Variants in FASTKD5 observed in about 807,000 individuals in gnomAD.
FASTKD5 encodes the protein non-canonical pre-mRNAs endonuclease FASTKD5, mitochondrial.
Under a neutral mutation model 44.0 loss-of-function variants are expected in FASTKD5, and 30 were observed. That is an observed-to-expected ratio of 0.68 (90% CI 0.51 to 0.93). The LOEUF (loss-of-function observed/expected upper bound fraction) is 0.93, where lower values mean the gene tolerates loss of function less well. Among genes scored for constraint, FASTKD5 ranks in the 40% least tolerant of loss-of-function variants. The pLI, the probability that FASTKD5 is intolerant of heterozygous loss-of-function variation, is 0.00. For synonymous variants in FASTKD5, 335 were observed against 342.2 expected (o/e 0.98, Z 0.23); for missense variants, 868 against 908.2 (o/e 0.96, Z 0.57).
At position 3,148,643 on chromosome 20, in the gene FASTKD5, T is replaced by C. The variant is rs1483112641; in HGVS notation, c.428A>G (p.Glu143Gly). 2 of 1,614,094 alleles carry C rather than the reference T, an allele frequency of 1.2e-6. No homozygotes were observed. Among genetic ancestry groups the C allele is most frequent in the African/African-American group, 2.7e-5 (2 of 74,946 alleles). Reference sequence around the variant, plus strand: ...GACTTTGTGCAAAATTAGTTCACCTTCTGAAACAGACAGGAGCTGAGAAGT... The same window carrying C: ...GACTTTGTGCAAAATTAGTTCACCTCCTGAAACAGACAGGAGCTGAGAAGT... Reference protein sequence around the residue: ...SETSQLLSVSEGELILHKVRV... With the variant: ...SETSQLLSVSGGELILHKVRV... Residue 143 changes from glutamate (E) to glycine (G), a missense_variant, in exon 2 of 2, where the codon GAA becomes GGA. Transcript: ENST00000380266.
Position 3,148,160 on chromosome 20 carries a change from G to A in FASTKD5, c.911C>T (p.Ser304Leu). Residue 304 changes from serine (S) to leucine (L), a missense_variant, in exon 2 of 2, where the codon TCA becomes TTA. Ser to Leu is a moderately radical substitution (Grantham distance 145). Coordinates refer to ENST00000380266, the MANE Select transcript of FASTKD5 (RefSeq NM_021826.5). ...CAAATCTATATATTTAAGGATCAATGATTCCAATTTTTGCATTAGGTCCTG... is the reference window on the plus strand; with the variant it reads ...CAAATCTATATATTTAAGGATCAATAATTCCAATTTTTGCATTAGGTCCTG... Reference protein sequence around the residue: ...VSQDLMQKLESLILKYIDLIN... With the variant: ...VSQDLMQKLELLILKYIDLIN... The A allele has an allele frequency of 6.2e-7, 1 of 1,613,772 alleles. No individual in the cohort carries two copies. Among genetic ancestry groups the A allele is most frequent in the Non-Finnish European group, 8.5e-7 (1 of 1,179,956 alleles).
Position 3,149,524 on chromosome 20 carries a change from G to A in FASTKD5, c.-190-264C>T, listed in dbSNP as rs976399867. ...CTTCCTTCACTGTACAAGGCAAGCA[G>A]TGACGGCTAAAGAAGAGACGGTGCT... On this transcript the variant is annotated intron_variant, in intron 1 of 1. Coordinates refer to ENST00000380266, the MANE Select transcript of FASTKD5 (RefSeq NM_021826.5). The surrounding 1 kb of genome is among the most constrained non-coding windows in gnomAD (Gnocchi z 4.1). Among the ~76,000 whole-genome samples the A allele has an allele frequency of 6.6e-6, 1 of 152,174 alleles. No individual in the cohort carries two copies. Among genetic ancestry groups the A allele is most frequent in the Non-Finnish European group, 1.5e-5 (1 of 68,030 alleles).
chr20:3,150,885 ATTC>A (rs1479784051), intron 1 of FASTKD5: 1 of 152,114 alleles, frequency 6.6e-6, no homozygotes, highest in Non-Finnish European at 1.5e-5. Context: ...CTTGTGGACC[ATTC>A]TTTTTTTCTT....
chr20:3,155,539 A>C (rs2066675190), intron 1 of FASTKD5, among the ~76,000 whole-genome samples: 1 of 152,194 alleles, frequency 6.6e-6, no homozygotes, highest in Non-Finnish European at 1.5e-5. Context: ...TCAAAAAAAA[A>C]AAGTGGGTCG....
At position 3,148,479 on chromosome 20, in the gene FASTKD5, T is replaced by C. The variant is rs768137428; in HGVS notation, c.592A>G (p.Ile198Val). 2 of 1,614,156 alleles carry C rather than the reference T, an allele frequency of 1.2e-6. No individual in the cohort carries two copies. Among genetic ancestry groups the C allele is most frequent in the Non-Finnish European group, 1.7e-6 (2 of 1,180,040 alleles). ...AGATCTTGGGTATCAAAGAGCTGTA[T>C]CTTCTTCACACTCAGCTGGCAGAGC... The part of the protein sequence containing the change: ...ALLCQLSVKK[I>V]QLFDTQDLIN... The change falls in exon 2 of 2, where the codon ATA becomes GTA. Residue 198 changes from isoleucine (I) to valine (V), a missense_variant. Transcript: ENST00000380266.
intron 1 of FASTKD5, chr20:3,151,914 G>A (rs1166805864): frequency 6.6e-6 from 1 of 151,462 alleles, no homozygotes; most frequent in Non-Finnish European, 1.5e-5. Flanking sequence ...AGACCAGCCT[G>A]GCCATCATGG....
At chr20:3,154,077 G>C (rs2066660190) in intron 1 of FASTKD5, among the ~76,000 whole-genome samples, 2 of 152,188 alleles carry the variant, frequency 1.3e-5, no homozygotes, top group African/African-American at 4.8e-5. Flanking sequence ...AGTAAGGAGA[G>C]CTACCACAAT....
intron 1 of FASTKD5, among the ~76,000 whole-genome samples, chr20:3,155,852 A>C (rs2066678488): frequency 6.6e-6 from 1 of 152,222 alleles, no homozygotes; most frequent in Admixed American, 6.5e-5. Context: ...AATGGTAAAC[A>C]GTGGCTACTT....
At chr20:3,158,465 T>C (rs2066712422) in intron 1 of FASTKD5, among the ~76,000 whole-genome samples, 1 of 145,920 alleles carries the variant, frequency 6.9e-6, no homozygotes, top group Non-Finnish European at 1.5e-5. Context: ...TATTTACTTA[T>C]TTATTTATTT....
Position 3,147,591 on chromosome 20 carries a change from G to C in FASTKD5, c.1480C>G (p.Leu494Val), listed in dbSNP as rs145181106. ...GCTAACCTGACAAACCCTGGACTGA[G>C]AGCGAAATCAATTAACTCTACTGGA... is the stretch of plus-strand genomic sequence containing the variant. ...YFPVELIDFALSPGFVRLAQE... is the reference protein window; with the variant it reads ...YFPVELIDFAVSPGFVRLAQE... The change falls in exon 2 of 2, where the codon CTC (leucine) becomes GTC (valine). Residue 494 changes from leucine (L) to valine (V), a missense_variant. Transcript: ENST00000380266. 9.1e-5 allele frequency: 147 copies of C among 1,614,074 alleles called. No individual in the cohort carries two copies. The highest frequency in any genetic ancestry group is 9.7e-5 in the Non-Finnish European group (114 of 1,180,050).
intron 1 of FASTKD5, among the ~76,000 whole-genome samples, chr20:3,159,540 C>T (rs1277120628): frequency 6.6e-6 from 1 of 152,226 alleles, no homozygotes; most frequent in Admixed American, 6.5e-5. Flanking sequence ...GTCAGATAAG[C>T]CCCCTGCCAA....
At position 3,147,891 on chromosome 20, in the gene FASTKD5, T is replaced by C; in HGVS notation, c.1180A>G (p.Met394Val). ...GCCGAGCAGTAAAGAGTCAGGTGCA[T>C]GACACCTTGAACTCCCAGGGAAGGA... ...RIPSLGVQGV[M>V]HLTLYCSALR... is the part of the protein sequence containing the mutation. The change falls in exon 2 of 2, where the codon ATG (methionine) becomes GTG (valine). Residue 394 changes from methionine to valine, a missense_variant. Coordinates refer to ENST00000380266, the MANE Select transcript of FASTKD5 (RefSeq NM_021826.5). The C allele has an allele frequency of 6.2e-7, 1 of 1,614,242 alleles. No homozygotes were observed. Among genetic ancestry groups the C allele is most frequent in the Non-Finnish European group, 8.5e-7 (1 of 1,180,042 alleles).
Position 3,148,999 on chromosome 20 carries a change from T to G in FASTKD5, c.72A>C (p.Ala24=). ...CATTCCAGTATGACACACTTCGGACTGCACCAAAGGCAGAAGGACTGCAAA... is the reference window on the plus strand; with the variant it reads ...CATTCCAGTATGACACACTTCGGACGGCACCAAAGGCAGAAGGACTGCAAA... The part of the protein sequence containing the change: ...RAFCSPSAFG[A]VRSVSYWNVS... Residue 24 remains alanine (A), a synonymous_variant, in exon 2 of 2, where the codon GCA becomes GCC. Coordinates refer to ENST00000380266, the MANE Select transcript of FASTKD5 (RefSeq NM_021826.5). The G allele has an allele frequency of 1.9e-6, 3 of 1,614,196 alleles. No homozygotes were observed. Among genetic ancestry groups the G allele is most frequent in the Non-Finnish European group, 2.5e-6 (3 of 1,180,038 alleles).
rs748263578 is a variant in FASTKD5 at position 3,148,789 on chromosome 20, G to T, written c.282C>A (p.Gly94=). 14 of 1,614,122 alleles carry T rather than the reference G, an allele frequency of 8.7e-6. No homozygotes were observed. In the Admixed American group the frequency reaches 2.3e-4, roughly 27 times the overall value. The change falls in exon 2 of 2, where the codon GGC becomes GGA. Residue 94 remains glycine, a synonymous_variant. Coordinates refer to ENST00000380266, the MANE Select transcript of FASTKD5 (RefSeq NM_021826.5). ...CATCAACTCCTGTGGCCCTGGGTGAGCCCAGCTGCAATGTACTGGCCTTAG... is the reference window on the plus strand; with the variant it reads ...CATCAACTCCTGTGGCCCTGGGTGATCCCAGCTGCAATGTACTGGCCTTAG... ...SSSKASTLQL[G]SPRATGVDEE...
chr20:3,151,208 T>C (rs757321660), intron 1 of FASTKD5, among the ~76,000 whole-genome samples: 1 of 152,180 alleles, frequency 6.6e-6, no homozygotes, highest in Non-Finnish European at 1.5e-5. Flanking sequence ...TGACCACCTG[T>C]GGACCATTCT....
rs1354737272 is a variant in FASTKD5, at chr20:3,147,494, G to C, written c.1577C>G (p.Pro526Arg). The C allele has an allele frequency of 6.2e-7, 1 of 1,614,158 alleles. No individual in the cohort carries two copies. ...ACTAAGACGATTGCCTCTGTAATCT[G>C]GACACTCAATGCCAACTGTACCATC... Reference protein sequence around the residue: ...TLDGTVGIECPDYRGNRLSTH... With the variant: ...TLDGTVGIECRDYRGNRLSTH... The change falls in exon 2 of 2, where the codon CCA becomes CGA. Residue 526 changes from proline (P) to arginine (R), a missense_variant. By Grantham distance (103) the Pro-to-Arg change is moderately radical. Coordinates refer to ENST00000380266, the MANE Select transcript of FASTKD5 (RefSeq NM_021826.5).
In FASTKD5 at chr20:3,147,304, G is replaced by A. The variant is rs2066575214; in HGVS notation, c.1767C>T (p.Asp589=). The A allele has an allele frequency of 6.2e-7, 1 of 1,614,106 alleles. No homozygotes were observed. The highest frequency in any genetic ancestry group is 1.3e-5 in the African/African-American group (1 of 74,928). ...HMILPHTRSS[D]LEVQLDVNLK... The stretch of plus-strand genomic sequence containing the variant: ...GGTTAACATCAAGCTGGACCTCTAA[G>A]TCAGAAGATCGGGTATGAGGCAAAA... The change falls in exon 2 of 2, where the codon GAC becomes GAT. Residue 589 remains aspartate (D), a synonymous_variant. Transcript: ENST00000380266.
chr20:3,150,370 C>T (rs1410218721), intron 1 of FASTKD5, among the ~76,000 whole-genome samples: 1 of 152,206 alleles, frequency 6.6e-6, no homozygotes, highest in Admixed American at 6.6e-5. Context: ...GCCCCGCTGA[C>T]ATCTTCTGGA....
At chr20:3,156,063 G>T (rs753131922) in intron 1 of FASTKD5, among the ~76,000 whole-genome samples, 1 of 151,936 alleles carries the variant, frequency 6.6e-6, no homozygotes, top group Non-Finnish European at 1.5e-5. Flanking sequence ...ACCAGATAGC[G>T]AAAACATACC....
Sources: gnomAD v4.1 joint callset for allele counts (sites outside exome capture counted in the v4.1 genomes callset) on GRCh38, gnomAD v4.1.1 for gene constraint, Gnocchi (gnomAD v3.1) non-coding constraint, MANE v1.5 for transcripts, NCBI Gene and HGNC (gene_info 2026-07-23, HGNC 2026-07-21) for gene names.